Variants in VPS13A observed in about 807,000 individuals in gnomAD.
The protein encoded by VPS13A is intermembrane lipid transfer protein VPS13A.
A neutral mutation model predicts 390.9 loss-of-function variants in VPS13A; 264 were observed. That is an observed-to-expected ratio of 0.68 (90% confidence interval 0.61 to 0.75). The LOEUF (loss-of-function observed/expected upper bound fraction) is 0.75. VPS13A is among the 30% of genes least tolerant of loss of function. The pLI, the probability that VPS13A is intolerant of heterozygous loss-of-function variation, is 0.00. For synonymous variants in VPS13A, 1,231 were observed against 1,227.1 expected, an observed-to-expected ratio of 1.00 and a Z score of -0.07; for missense variants, 3,409 against 3,733.9, an observed-to-expected ratio of 0.91 and a Z score of 2.27.
intron 15 of VPS13A, 115 bp downstream of exon 15, chr9:77,226,713 TAA>T: frequency 1.2e-6 from 1 of 856,702 alleles, no homozygotes; most frequent in Non-Finnish European, 1.6e-6. Flanking sequence ...TAATTATATA[TAA>T]AGTTATTACA....
intron 40 of VPS13A, 36 bp from the exon 41 acceptor site, chr9:77,318,199 T>G (rs1334226522): frequency 1.6e-6 from 2 of 1,226,668 alleles, no homozygotes; most frequent in African/African-American, 1.5e-5. Flanking sequence ...TGTTTGAAAG[T>G]GTTTTGTATA....
chr9:77,323,156 G>C lies in VPS13A; in HGVS notation c.5920G>C (p.Glu1974Gln). 6.2e-7 allele frequency: 1 copy of C among 1,613,546 alleles called. No individual in the cohort carries two copies. Among genetic ancestry groups the C allele is most frequent in the African/African-American group, 1.3e-5 (1 of 75,008 alleles). The change falls in exon 45 of 72, where the codon GAA becomes CAA. Residue 1974 changes from glutamate to glutamine, a missense_variant. Physicochemically the swap from Glu to Gln is conservative, Grantham distance 29. Transcript: ENST00000360280. ...YTVRHRESGVERSIVCQIDTV... is the reference protein window; with the variant it reads ...YTVRHRESGVQRSIVCQIDTV... ...TGTAAGACACAGAGAGTCTGGCGTT[G>C]AAAGATCTATTGTTTGTCAAATTGA...
chr9:77,260,886 AC>A (rs1282345904), intron 23 of VPS13A, among the ~76,000 whole-genome samples: 1 of 151,888 alleles, frequency 6.6e-6, no homozygotes, highest in East Asian at 1.9e-4. Context: ...GTGTGTGTAT[AC>A]ATACATGTAT....
chr9:77,235,539 A>G (rs1320043895), intron 17 of VPS13A, among the ~76,000 whole-genome samples: 1 of 152,122 alleles, frequency 6.6e-6, no homozygotes, highest in African/African-American at 2.4e-5. Context: ...GTTTATCCTA[A>G]TTGGAGGTCT....
intron 48 of VPS13A, 110 bp from the exon 49 acceptor site, chr9:77,340,068 G>A: frequency 7.5e-7 from 1 of 1,330,738 alleles, no homozygotes; most frequent in Non-Finnish European, 1.1e-6. Context: ...TAAAGGTTTA[G>A]TGCATTAACA....
chr9:77,315,233 G>A lies in VPS13A; in HGVS notation c.4413-20G>A, dbSNP rs371807185. ...TCTAAGTTACTCATACATAGGAATT[G>A]TTGTTATTGTGTTTTCCAGAATGAT... On this transcript the variant is annotated intron_variant, in intron 37 of 71. Transcript: ENST00000360280. 1 of 1,603,922 alleles carries A rather than the reference G, an allele frequency of 6.2e-7. No individual in the cohort carries two copies.
chr9:77,406,204 A>G (rs1834599517), intron 70 of VPS13A, among the ~76,000 whole-genome samples: 1 of 152,096 alleles, frequency 6.6e-6, no homozygotes, highest in East Asian at 1.9e-4. Flanking sequence ...CACTGACAAT[A>G]ACATTCCTGG....
chr9:77,294,649 C>T (rs1025322815), intron 32 of VPS13A, among the ~76,000 whole-genome samples: 1 of 152,140 alleles, frequency 6.6e-6, no homozygotes, highest in African/African-American at 2.4e-5. Flanking sequence ...TAAGCCATAA[C>T]ATCATTTTGT....
rs1832614900 is a variant in VPS13A at position 77,369,286 on chromosome 9, A to C, written c.8554-13A>C. 3 of 1,555,568 alleles carry C rather than the reference A, an allele frequency of 1.9e-6. No individual in the cohort carries two copies. In the South Asian group the frequency reaches 3.3e-5, roughly 17 times the overall value. ...ATTATCTGAATTGATTAATGTTCAT[A>C]TTTTATTTTTAGGCCATTAAGCAGA... On this transcript the variant is annotated splice_polypyrimidine_tract_variant and intron_variant, in intron 62 of 71. Transcript: ENST00000360280.
chr9:77,286,787 T>C (rs12342114), intron 31 of VPS13A, among the ~76,000 whole-genome samples: 42,310 of 152,064 alleles, frequency 0.28, 6,187 homozygotes, highest in Middle Eastern at 0.36. Flanking sequence ...TTAGGCTAGT[T>C]AGTTTCCGTT....
At chr9:77,345,447 C>CT (rs1258140722) in intron 52 of VPS13A, among the ~76,000 whole-genome samples, 1 of 151,828 alleles carries the variant, frequency 6.6e-6, no homozygotes, top group Non-Finnish European at 1.5e-5. Context: ...TGAATTTTGT[C>CT]TATTTTTGAA....
chr9:77,265,471 G>A (rs530844847), intron 23 of VPS13A, among the ~76,000 whole-genome samples: 86 of 152,022 alleles, frequency 5.7e-4, no homozygotes, highest in South Asian at 1.7e-3. Flanking sequence ...CCTCAATTTC[G>A]GAACTTGTTA....
chr9:77,312,286 C>T (rs1829123327), intron 35 of VPS13A, among the ~76,000 whole-genome samples: 1 of 152,064 alleles, frequency 6.6e-6, no homozygotes, highest in African/African-American at 2.4e-5. Flanking sequence ...ATGTATGTAT[C>T]TTTTATCCAG....
rs371453974 is a variant in VPS13A, at chr9:77,370,247, G to C, written c.8668-10G>C. On this transcript the variant is annotated splice_polypyrimidine_tract_variant and intron_variant, in intron 63 of 71. Coordinates refer to ENST00000360280, the MANE Select transcript of VPS13A (RefSeq NM_033305.3). ...TCACTCACTCATTTATTTACTATTT[G>C]GCCCTTTAGGGAGCCATCCAGGGTC... The C allele has an allele frequency of 5.5e-5, 89 of 1,613,744 alleles. No individual in the cohort carries two copies. In the African/African-American group the frequency reaches 1.1e-3, roughly 19 times the overall value.
chr9:77,260,134 T>G lies in VPS13A; in HGVS notation c.2337T>G (p.Asp779Glu). 6.3e-7 allele frequency: 1 copy of G among 1,588,052 alleles called. No individual in the cohort carries two copies. Among genetic ancestry groups the G allele is most frequent in the Non-Finnish European group, 8.6e-7 (1 of 1,157,566 alleles). Residue 779 changes from aspartate (D) to glutamate (E), a missense_variant, in exon 23 of 72, where the codon GAT becomes GAG. This residue lies in a region of VPS13A where 2,717 missense variants were observed against 2,917.4 expected (regional missense o/e 0.93). Transcript: ENST00000360280. ...CTCTTATTTCTTTACGAATCTCAGA[T>G]AAAAAACTACAAGGGATTATGGAAT... is the stretch of plus-strand genomic sequence containing the variant. ...KLPLISLRIS[D>E]KKLQGIMELI...
At chr9:77,375,765 T>C (rs1294402288) in intron 67 of VPS13A, among the ~76,000 whole-genome samples, 4 of 152,162 alleles carry the variant, frequency 2.6e-5, no homozygotes, top group Non-Finnish European at 5.9e-5. Flanking sequence ...AGCTACCTAA[T>C]ACAAACATAA....
chr9:77,277,844 C>T (rs773675308), intron 26 of VPS13A, among the ~76,000 whole-genome samples: 3 of 151,862 alleles, frequency 2.0e-5, no homozygotes, highest in Non-Finnish European at 4.4e-5. Context: ...GTTGCTTCCA[C>T]GGTTTGGCAA....
chr9:77,384,411 G>A (rs985596117), intron 68 of VPS13A, among the ~76,000 whole-genome samples: 14 of 151,658 alleles, frequency 9.2e-5, no homozygotes, highest in Non-Finnish European at 1.5e-4. Flanking sequence ...AATTGTCTTA[G>A]GTCTATTAAG....
At chr9:77,259,608 A>G (rs938184418) in intron 22 of VPS13A, among the ~76,000 whole-genome samples, 4 of 152,202 alleles carry the variant, frequency 2.6e-5, no homozygotes, top group African/African-American at 9.6e-5. Context: ...TTAAAAGAAT[A>G]ATAAAGCACT....
Sources: gnomAD v4.1 joint callset for allele counts (sites outside exome capture counted in the v4.1 genomes callset) on GRCh38, gnomAD v4.1.1 for gene constraint, gnomAD v4.1.1 regional missense constraint, MANE v1.5 for transcripts, NCBI Gene and HGNC (gene_info 2026-07-23, HGNC 2026-07-21) for gene names.